Variants in NCAM2 observed in about 807,000 individuals in gnomAD.
NCAM2 encodes N-CAM-2.
In NCAM2, 30 loss-of-function variants were observed where a neutral mutation model predicts 98.1. The ratio of observed to expected loss-of-function variants is 0.31; its 90% confidence interval spans 0.23 to 0.41. NCAM2 has a LOEUF of 0.41. Ranked by LOEUF, NCAM2 falls within the 10% of genes least tolerant of loss-of-function variation. The pLI is 1.00. For missense variants in NCAM2, 867 were observed against 1,005.8 expected (o/e 0.86, Z 1.87); for synonymous variants, 368 against 342.4 (o/e 1.07, Z -0.83).
intron 1 of NCAM2, among the ~76,000 whole-genome samples, chr21:21,008,328 G>C (rs75851296): frequency 5.3e-5 from 8 of 152,134 alleles, no homozygotes; most frequent in African/African-American, 1.4e-4. Flanking sequence ...TTTACACCAG[G>C]TAAAACTTGT....
intron 8 of NCAM2, among the ~76,000 whole-genome samples, chr21:21,356,944 G>A (rs919108450): frequency 4.6e-5 from 7 of 151,732 alleles, no homozygotes; most frequent in South Asian, 2.1e-4. Flanking sequence ...AGCCAAGATC[G>A]CGCCATTGCA....
intron 5 of NCAM2, among the ~76,000 whole-genome samples, chr21:21,314,618 G>A (rs571840238): frequency 5.0e-4 from 76 of 152,096 alleles, no homozygotes; most frequent in Admixed American, 2.8e-3. Flanking sequence ...TGACATTTTG[G>A]TAGTGTCTAA....
At chr21:21,245,183 A>G (rs1220173736) in intron 1 of NCAM2, among the ~76,000 whole-genome samples, 3 of 152,122 alleles carry the variant, frequency 2.0e-5, no homozygotes, top group Admixed American at 6.5e-5. Flanking sequence ...TTGTGTTTGC[A>G]TAGGTACCTT....
At chr21:21,125,712 T>TAGAGAGAGAGAGAG (rs1369606850) in intron 1 of NCAM2, among the ~76,000 whole-genome samples, 7 of 36,108 alleles carry the variant, frequency 1.9e-4, no homozygotes, top group African/African-American at 3.6e-4. Context: ...CATATATATA[T>TAGAGAGAGAGAGAG]ATAGAGAGAG....
intron 1 of NCAM2, among the ~76,000 whole-genome samples, chr21:21,083,236 T>C (rs145350160): frequency 0.012 from 1,830 of 152,302 alleles, 22 homozygotes; most frequent in Non-Finnish European, 0.019. Context: ...GATGACTGAA[T>C]GAATGAATAA....
At chr21:21,000,282 G>A (rs1214085967) in intron 1 of NCAM2, among the ~76,000 whole-genome samples, 3 of 152,156 alleles carry the variant, frequency 2.0e-5, no homozygotes, top group African/African-American at 7.2e-5. Context: ...AATTAAATAA[G>A]TGTAGGTAGT....
At position 21,338,598 on chromosome 21, in the gene NCAM2, T is replaced by G; in HGVS notation, c.1044+64T>G. The G allele has an allele frequency of 1.4e-6, 2 of 1,416,940 alleles. 1 individual carries two copies. The highest frequency in any genetic ancestry group is 3.1e-5 in the South Asian group (2 of 63,750). 87.8% of individuals were successfully genotyped at this position (1,416,940 alleles called of 1,614,324 possible). On this transcript the variant is annotated intron_variant, in intron 8 of 17. Transcript: ENST00000400546. Reference sequence around the variant, plus strand: ...GCAATTTCAGTATTTTCAATATCATTAAATCACAAATTAGTCTCCAATTTA... The same window carrying G: ...GCAATTTCAGTATTTTCAATATCATGAAATCACAAATTAGTCTCCAATTTA...
chr21:21,212,062 A>G (rs1384682405), intron 1 of NCAM2, among the ~76,000 whole-genome samples: 2 of 152,240 alleles, frequency 1.3e-5, no homozygotes, highest in Non-Finnish European at 2.9e-5. Flanking sequence ...TTGGGCATGT[A>G]TTCTAGAGAA....
intron 1 of NCAM2, among the ~76,000 whole-genome samples, chr21:21,264,848 A>G (rs1455249530): frequency 7.0e-6 from 1 of 142,092 alleles, no homozygotes; most frequent in Non-Finnish European, 1.5e-5. Flanking sequence ...ACACACATGC[A>G]CACGCACACA....
chr21:21,302,963 G>A (rs1422309499), intron 5 of NCAM2, among the ~76,000 whole-genome samples: 1 of 152,078 alleles, frequency 6.6e-6, no homozygotes, highest in Non-Finnish European at 1.5e-5. Context: ...CATGGATGAA[G>A]CTGGAGACCA....
At chr21:21,128,534 G>A (rs1429321589) in intron 1 of NCAM2, among the ~76,000 whole-genome samples, 1 of 152,062 alleles carries the variant, frequency 6.6e-6, no homozygotes, top group African/African-American at 2.4e-5. Context: ...AATCATAATT[G>A]AGCATTTTAT....
At chr21:21,425,388 G>A (rs2077195278) in intron 11 of NCAM2, among the ~76,000 whole-genome samples, 1 of 152,034 alleles carries the variant, frequency 6.6e-6, no homozygotes, top group African/African-American at 2.4e-5. Context: ...GCTCTAAATT[G>A]AATGTTTGAA....
At chr21:21,452,187 C>G (rs374510341) in intron 12 of NCAM2, among the ~76,000 whole-genome samples, 5 of 106,294 alleles carry the variant, frequency 4.7e-5, no homozygotes, top group Non-Finnish European at 9.2e-5. Flanking sequence ...CACACACACA[C>G]ACACACACAT....
intron 12 of NCAM2, among the ~76,000 whole-genome samples, chr21:21,452,993 TTATATAA>T (rs1397650897): frequency 3.2e-5 from 3 of 92,782 alleles, no homozygotes; most frequent in East Asian, 2.5e-4. Flanking sequence ...ATATATTATA[TTATATAA>T]TATATAATAT....
At chr21:21,324,694 C>G (rs1601977666) in intron 6 of NCAM2, among the ~76,000 whole-genome samples, 194 bp downstream of exon 6, 1 of 152,160 alleles carries the variant, frequency 6.6e-6, no homozygotes, top group Middle Eastern at 3.4e-3. Flanking sequence ...TGACCCCGCT[C>G]TAATATTCTG....
intron 16 of NCAM2, among the ~76,000 whole-genome samples, chr21:21,533,435 T>C (rs1989819362): frequency 6.6e-6 from 1 of 151,926 alleles, no homozygotes; most frequent in East Asian, 1.9e-4. Context: ...AAGTTCTATA[T>C]ATTTTCATGG....
chr21:21,291,263 A>C (rs1051289580), intron 4 of NCAM2, among the ~76,000 whole-genome samples: 1 of 151,878 alleles, frequency 6.6e-6, no homozygotes, highest in Admixed American at 6.6e-5. Context: ...AAAGAGTTTC[A>C]AAATTGGACT....
At chr21:21,188,174 T>C (rs759061432) in intron 1 of NCAM2, among the ~76,000 whole-genome samples, 2 of 152,262 alleles carry the variant, frequency 1.3e-5, no homozygotes, top group Non-Finnish European at 2.9e-5. Flanking sequence ...TATAAGGAAG[T>C]ACAAGTAAGG....
intron 1 of NCAM2, among the ~76,000 whole-genome samples, chr21:21,120,211 G>A (rs1051656682): frequency 3.9e-5 from 6 of 152,146 alleles, no homozygotes; most frequent in South Asian, 2.1e-4. Flanking sequence ...ATGGGTATTC[G>A]TTGGAATTAA....
Sources: gnomAD v4.1 joint callset for allele counts (sites outside exome capture counted in the v4.1 genomes callset) on GRCh38, gnomAD v4.1.1 for gene constraint, MANE v1.5 for transcripts, NCBI Gene and HGNC (gene_info 2026-07-23, HGNC 2026-07-21) for gene names.